Variants in CAMKMT observed in about 807,000 individuals in gnomAD.
The protein encoded by CAMKMT is CaM KMT.
A neutral mutation model predicts 48.0 loss-of-function variants in CAMKMT; 53 were observed. That is an observed-to-expected ratio of 1.10 (90% CI 0.89 to 1.39). CAMKMT has a LOEUF of 1.39. Ranked by LOEUF, CAMKMT falls within the 40% of genes most tolerant of loss-of-function variation. The pLI, the probability that CAMKMT is intolerant of heterozygous loss-of-function variation, is 0.00. For missense variants in CAMKMT, 428 were observed against 402.7 expected, an observed-to-expected ratio of 1.06 and a Z score of -0.54; for synonymous variants, 165 against 152.3, an observed-to-expected ratio of 1.08 and a Z score of -0.61.
intron 3 of CAMKMT, among the ~76,000 whole-genome samples, chr2:44,471,723 A>G (rs974041311): frequency 7.9e-5 from 12 of 152,120 alleles, no homozygotes; most frequent in African/African-American, 2.2e-4. Flanking sequence ...TTCTTGATGT[A>G]AAGTATGGAG....
chr2:44,722,678 G>A (rs987963339), intron 7 of CAMKMT, among the ~76,000 whole-genome samples: 4 of 151,992 alleles, frequency 2.6e-5, no homozygotes, highest in African/African-American at 9.7e-5. Flanking sequence ...AAAAAAGGAA[G>A]AAAAATAAAT....
chr2:44,724,027 C>A (rs1163349761), intron 7 of CAMKMT, among the ~76,000 whole-genome samples: 1 of 152,178 alleles, frequency 6.6e-6, no homozygotes, highest in African/African-American at 2.4e-5. Context: ...TGTTCTTAAT[C>A]AAGTCTGTCC....
chr2:44,443,546 C>T (rs1000979500), intron 3 of CAMKMT, among the ~76,000 whole-genome samples: 2 of 152,050 alleles, frequency 1.3e-5, no homozygotes, highest in African/African-American at 4.8e-5. Flanking sequence ...ATTTAAGCTG[C>T]TCAGTATTAC....
intron 3 of CAMKMT, among the ~76,000 whole-genome samples, chr2:44,567,477 C>T (rs1668675756): frequency 6.6e-6 from 1 of 152,182 alleles, no homozygotes; most frequent in Non-Finnish European, 1.5e-5. Context: ...AAACATCTTG[C>T]TTCTCTCCCA....
intron 3 of CAMKMT, among the ~76,000 whole-genome samples, chr2:44,698,789 T>A (rs1677104885): frequency 6.6e-6 from 1 of 152,254 alleles, no homozygotes; most frequent in Admixed American, 6.5e-5. Flanking sequence ...TAGCATGCGA[T>A]GCTATTTGAC....
chr2:44,524,299 T>G (rs77635379), intron 3 of CAMKMT, among the ~76,000 whole-genome samples: 4,378 of 152,242 alleles, frequency 0.029, 202 homozygotes, highest in African/African-American at 0.1. Context: ...CAGTCCATCT[T>G]CGTAGCCAGT....
chr2:44,390,832 A>G (rs1247354374), intron 3 of CAMKMT, among the ~76,000 whole-genome samples: 1 of 152,160 alleles, frequency 6.6e-6, no homozygotes. Context: ...CCTTTTCATC[A>G]AAGCTTCTGA....
intron 3 of CAMKMT, among the ~76,000 whole-genome samples, chr2:44,418,322 T>C (rs949391582): frequency 1.3e-5 from 2 of 152,140 alleles, no homozygotes; most frequent in Non-Finnish European, 2.9e-5. Context: ...TTTTTTTTTT[T>C]ATGTGTTCTT....
chr2:44,581,548 A>G (rs1248452457), intron 3 of CAMKMT, among the ~76,000 whole-genome samples: 1 of 152,272 alleles, frequency 6.6e-6, no homozygotes, highest in Non-Finnish European at 1.5e-5. Context: ...TGTTACTTAA[A>G]TAAATTATTG....
intron 3 of CAMKMT, chr2:44,456,579 A>G: frequency 6.5e-7 from 1 of 1,549,904 alleles, no homozygotes; most frequent in Non-Finnish European, 8.7e-7. Context: ...GGAAGCAACC[A>G]GGGGAAAATG....
intron 3 of CAMKMT, among the ~76,000 whole-genome samples, chr2:44,567,201 T>C (rs79544633): frequency 0.014 from 2,067 of 152,272 alleles, 102 homozygotes; most frequent in Admixed American, 0.1. Flanking sequence ...TTCAGTAGTA[T>C]TGGTTTGGTG....
intron 3 of CAMKMT, chr2:44,392,217 A>G (rs1411893009): frequency 2.0e-5 from 3 of 152,188 alleles, no homozygotes; most frequent in Non-Finnish European, 4.4e-5. Context: ...GCTGTTTATT[A>G]AAATGCCTCA....
chr2:44,616,221 A>G (rs1191789279), intron 3 of CAMKMT, among the ~76,000 whole-genome samples: 1 of 151,994 alleles, frequency 6.6e-6, no homozygotes, highest in African/African-American at 2.4e-5. Flanking sequence ...TTCCAACCCA[A>G]TCTCCATATT....
At chr2:44,392,429 T>C (rs1000314208) in intron 3 of CAMKMT, among the ~76,000 whole-genome samples, 2 of 152,136 alleles carry the variant, frequency 1.3e-5, no homozygotes, top group African/African-American at 4.8e-5. Context: ...ATGACTTTTA[T>C]ATAATCTTGG....
At chr2:44,742,129 C>T (rs1318420532) in intron 7 of CAMKMT, among the ~76,000 whole-genome samples, 1 of 152,146 alleles carries the variant, frequency 6.6e-6, no homozygotes, top group African/African-American at 2.4e-5. Context: ...GGCCCCATCT[C>T]TCACTGAGCC....
chr2:44,693,647 A>G (rs976896620), intron 3 of CAMKMT, among the ~76,000 whole-genome samples: 3 of 152,220 alleles, frequency 2.0e-5, no homozygotes, highest in African/African-American at 7.2e-5. Context: ...AGCATTCTGT[A>G]GTCCTCTTGT....
chr2:44,404,504 A>G (rs1171662278), intron 3 of CAMKMT, among the ~76,000 whole-genome samples: 1 of 152,122 alleles, frequency 6.6e-6, no homozygotes, highest in Non-Finnish European at 1.5e-5. Flanking sequence ...TTTTTTGATC[A>G]GTGCAATATA....
At chr2:44,372,026 A>C (rs960787463) in intron 1 of CAMKMT, among the ~76,000 whole-genome samples, 1 of 152,162 alleles carries the variant, frequency 6.6e-6, no homozygotes, top group African/African-American at 2.4e-5. Context: ...ATACCTCCCC[A>C]TTCCTAGGTA....
At chr2:44,638,467 A>AAAGT (rs1558762952) in intron 3 of CAMKMT, among the ~76,000 whole-genome samples, 1 of 152,214 alleles carries the variant, frequency 6.6e-6, no homozygotes, top group African/African-American at 2.4e-5. Context: ...CAAGAAGTCT[A>AAAGT]AAATCCTGCC....
Sources: gnomAD v4.1 joint callset for allele counts (sites outside exome capture counted in the v4.1 genomes callset) on GRCh38, gnomAD v4.1.1 for gene constraint, MANE v1.5 for transcripts, NCBI Gene and HGNC (gene_info 2026-07-23, HGNC 2026-07-21) for gene names.